DOCK9: variants seen among roughly 807,000 people sequenced by gnomAD.
DOCK9 encodes dedicator of cytokinesis 9.
In DOCK9, 89 loss-of-function variants were observed where a neutral mutation model predicts 263.3. The observed-to-expected ratio is 0.34, with a 90% confidence interval of 0.28 to 0.40. The LOEUF (loss-of-function observed/expected upper bound fraction) is 0.40. DOCK9 is among the 10% of genes least tolerant of loss of function. The pLI is 1.00. For synonymous variants in DOCK9, 976 were observed against 973.1 expected (o/e 1.00, Z -0.06); for missense variants, 2,140 against 2,603.4 (o/e 0.82, Z 3.87).
chr13:99,076,677 T>G (rs530817991), intron 1 of DOCK9, among the ~76,000 whole-genome samples: 1 of 151,840 alleles, frequency 6.6e-6, no homozygotes, highest in Non-Finnish European at 1.5e-5. Context: ...GAAGAGAAAT[T>G]AGAGGTAATA....
At chr13:99,063,659 G>A (rs900180588) in intron 1 of DOCK9, among the ~76,000 whole-genome samples, 2 of 152,088 alleles carry the variant, frequency 1.3e-5, no homozygotes, top group Non-Finnish European at 2.9e-5. Context: ...CCAAGCCACT[G>A]GGGACCAATA....
intron 1 of DOCK9, among the ~76,000 whole-genome samples, chr13:99,043,550 C>T (rs1888675026): frequency 6.6e-6 from 1 of 152,156 alleles, no homozygotes; most frequent in Non-Finnish European, 1.5e-5. Context: ...GAGCAGAGGA[C>T]TCAGACACTT....
chr13:98,966,008 A>C (rs1277372378), intron 1 of DOCK9, among the ~76,000 whole-genome samples: 3 of 152,238 alleles, frequency 2.0e-5, no homozygotes, highest in Non-Finnish European at 4.4e-5. Context: ...AGGTAAGAGG[A>C]ACATGATAAT....
intron 1 of DOCK9, among the ~76,000 whole-genome samples, chr13:98,967,593 A>G (rs115963837): frequency 2.5e-3 from 383 of 152,272 alleles, no homozygotes; most frequent in African/African-American, 9.0e-3. Flanking sequence ...TGCCTCTCCA[A>G]TGCCTCTGTT....
chr13:98,796,459 C>CA (rs200571391), intron 52 of DOCK9, among the ~76,000 whole-genome samples: 37 of 151,870 alleles, frequency 2.4e-4, no homozygotes, highest in Admixed American at 5.9e-4. Context: ...AGACCCCTCA[C>CA]AAAAAAAACA....
At chr13:99,014,265 GA>G (rs1885032547) in intron 1 of DOCK9, among the ~76,000 whole-genome samples, 1 of 152,236 alleles carries the variant, frequency 6.6e-6, no homozygotes, top group Admixed American at 6.5e-5. Context: ...TAATGGAACA[GA>G]GCGCTACAAG....
At chr13:99,064,151 T>C (rs1480914189) in intron 1 of DOCK9, among the ~76,000 whole-genome samples, 1 of 152,222 alleles carries the variant, frequency 6.6e-6, no homozygotes, top group Non-Finnish European at 1.5e-5. Flanking sequence ...GACTTAGGAA[T>C]GAGTCACTGG....
intron 1 of DOCK9, among the ~76,000 whole-genome samples, chr13:98,999,275 T>C (rs1040411222): frequency 3.6e-5 from 4 of 110,826 alleles, no homozygotes; most frequent in Non-Finnish European, 5.7e-5. Context: ...AACAGATGTG[T>C]GCACGCATGC....
At chr13:98,975,474 C>CACACACAT (rs1171224114) in intron 1 of DOCK9, among the ~76,000 whole-genome samples, 2 of 93,142 alleles carry the variant, frequency 2.1e-5, no homozygotes, top group Non-Finnish European at 4.4e-5. Flanking sequence ...TAAACACATA[C>CACACACAT]ACACACACAC....
intron 30 of DOCK9, among the ~76,000 whole-genome samples, chr13:98,864,903 C>T (rs546188252): frequency 1.9e-4 from 29 of 152,240 alleles, no homozygotes; most frequent in Non-Finnish European, 4.1e-4. Flanking sequence ...TGGCGCCTCA[C>T]TCCTCGTCTC....
intron 45 of DOCK9, among the ~76,000 whole-genome samples, chr13:98,819,275 A>G (rs1400070186): frequency 6.6e-6 from 1 of 152,238 alleles, no homozygotes; most frequent in Non-Finnish European, 1.5e-5. Context: ...CACTGGATGA[A>G]AATCTCTGAG....
chr13:98,823,616 C>G (rs1280421708), intron 45 of DOCK9, among the ~76,000 whole-genome samples: 2 of 152,214 alleles, frequency 1.3e-5, no homozygotes, highest in African/African-American at 2.4e-5. Flanking sequence ...CTGTTTCATT[C>G]TGCCCTGGGC....
intron 38 of DOCK9, among the ~76,000 whole-genome samples, chr13:98,839,088 A>C (rs2093115561): frequency 6.6e-6 from 1 of 152,246 alleles, no homozygotes; most frequent in Admixed American, 6.5e-5. Context: ...AAAATATGAT[A>C]GAAATGCTGT....
chr13:98,898,088 CTT>C, intron 14 of DOCK9, 89 bp downstream of exon 14: 2 of 890,936 alleles, frequency 2.2e-6, no homozygotes, highest in Non-Finnish European at 3.5e-6. Context: ...TTCAAATCCT[CTT>C]TGTCTCTGAA....
intron 2 of DOCK9, among the ~76,000 whole-genome samples, chr13:98,952,953 C>T (rs1388415665): frequency 2.0e-5 from 3 of 152,192 alleles, no homozygotes; most frequent in African/African-American, 7.2e-5. Context: ...AAAACACTTT[C>T]CCCAATCTAA....
intron 1 of DOCK9, among the ~76,000 whole-genome samples, chr13:99,030,304 G>T (rs555652818): frequency 1.9e-4 from 29 of 152,208 alleles, no homozygotes; most frequent in Non-Finnish European, 3.8e-4. Context: ...ACAGGCATAT[G>T]AAATAAATCA....
At chr13:98,830,351 C>T (rs773077626) in intron 41 of DOCK9, among the ~76,000 whole-genome samples, 2 of 152,146 alleles carry the variant, frequency 1.3e-5, no homozygotes, top group Admixed American at 6.5e-5. Context: ...TCCTTCTTAC[C>T]TCACCATCCC....
chr13:98,959,294 G>C (rs2058386205), intron 1 of DOCK9: 1 of 152,216 alleles, frequency 6.6e-6, no homozygotes, highest in South Asian at 2.1e-4. Context: ...TGGTCATGCA[G>C]TACCATGACC....
At chr13:98,869,014 T>C (rs1366147792) in intron 27 of DOCK9, among the ~76,000 whole-genome samples, 1 of 152,248 alleles carries the variant, frequency 6.6e-6, no homozygotes, top group East Asian at 1.9e-4. Flanking sequence ...GGCAAGAACC[T>C]GCATTTTTAC....
Sources: gnomAD v4.1 joint callset for allele counts (sites outside exome capture counted in the v4.1 genomes callset) on GRCh38, gnomAD v4.1.1 for gene constraint, MANE v1.5 for transcripts, NCBI Gene and HGNC (gene_info 2026-07-23, HGNC 2026-07-21) for gene names.